The following SLC44A5 variants were observed in gnomAD, a reference collection of about 807,000 sequenced individuals.
The protein encoded by SLC44A5 is solute carrier family 44 member 5, also known as choline transporter-like protein 5.
Under a neutral mutation model 101.8 loss-of-function variants are expected in SLC44A5, and 57 were observed. That is an observed-to-expected ratio of 0.56 (90% confidence interval 0.45 to 0.70). The LOEUF is 0.70. SLC44A5 is among the 30% of genes least tolerant of loss of function. The pLI, the probability that SLC44A5 is intolerant of heterozygous loss-of-function variation, is 0.00. For synonymous variants in SLC44A5, 281 were observed against 290.9 expected, an observed-to-expected ratio of 0.97 and a Z score of 0.35; for missense variants, 737 against 853.1, an observed-to-expected ratio of 0.86 and a Z score of 1.70.
intron 2 of SLC44A5, among the ~76,000 whole-genome samples, chr1:75,514,807 T>C (rs1669741033): frequency 6.6e-6 from 1 of 152,220 alleles, no homozygotes; most frequent in South Asian, 2.1e-4. Context: ...GGGGTACCTG[T>C]TAAGACTGAA....
intron 4 of SLC44A5, among the ~76,000 whole-genome samples, chr1:75,334,198 C>A (rs906058213): frequency 2.0e-5 from 3 of 152,152 alleles, no homozygotes; most frequent in Non-Finnish European, 4.4e-5. Flanking sequence ...AATCTCAGGT[C>A]TATGAGAAGC....
chr1:75,393,133 C>G (rs1306989196), intron 3 of SLC44A5, among the ~76,000 whole-genome samples: 3 of 152,250 alleles, frequency 2.0e-5, no homozygotes, highest in Non-Finnish European at 4.4e-5. Context: ...TTGTAACAAG[C>G]CTGCACATGT....
At chr1:75,671,294 A>T in the SLC44A5 span, among the ~76,000 whole-genome samples, 1 of 152,218 alleles carries the variant, frequency 6.6e-6, no homozygotes, top group Non-Finnish European at 1.5e-5. Flanking sequence ...AACAGTATTC[A>T]CAGGAGAGTA....
chr1:75,388,208 T>TAATA (rs71071944), intron 3 of SLC44A5, among the ~76,000 whole-genome samples: 29,940 of 128,766 alleles, frequency 0.23, 4,575 homozygotes, highest in East Asian at 0.79. Flanking sequence ...ACTTAAAGTG[T>TAATA]AATAAATAAA....
At chr1:75,566,705 G>A (rs1672801732) in intron 1 of SLC44A5, among the ~76,000 whole-genome samples, 2 of 152,168 alleles carry the variant, frequency 1.3e-5, no homozygotes, top group South Asian at 4.1e-4. Context: ...AACTGACAAT[G>A]CATTTATCTG....
chr1:75,395,585 T>G (rs1237028244), intron 3 of SLC44A5, among the ~76,000 whole-genome samples: 1 of 152,144 alleles, frequency 6.6e-6, no homozygotes, highest in Non-Finnish European at 1.5e-5. Context: ...TTAAAGTACA[T>G]GAGAGTCAAT....
At chr1:75,231,834 T>C (rs1647599280) in intron 12 of SLC44A5, among the ~76,000 whole-genome samples, 1 of 152,202 alleles carries the variant, frequency 6.6e-6, no homozygotes, top group Non-Finnish European at 1.5e-5. Context: ...TGTCTTCTCC[T>C]GTATACCTCT....
intron 1 of SLC44A5, among the ~76,000 whole-genome samples, chr1:75,546,712 C>T (rs1671671115): frequency 5.3e-5 from 8 of 152,118 alleles, no homozygotes; most frequent in Admixed American, 4.6e-4. Flanking sequence ...CGAAGACTAG[C>T]TCTGTCTTGT....
chr1:75,291,557 G>A (rs1412597773), intron 5 of SLC44A5, among the ~76,000 whole-genome samples: 1 of 152,126 alleles, frequency 6.6e-6, no homozygotes, highest in African/African-American at 2.4e-5. Flanking sequence ...CGGAGGTCAG[G>A]GATGATGTTT....
At chr1:75,401,812 G>C (rs1438845481) in intron 2 of SLC44A5, among the ~76,000 whole-genome samples, 1 of 152,138 alleles carries the variant, frequency 6.6e-6, no homozygotes, top group Non-Finnish European at 1.5e-5. Flanking sequence ...AAAATTTGCT[G>C]CTGAGTCCAA....
At chr1:75,553,883 CAGG>C (rs57453178) in intron 1 of SLC44A5, among the ~76,000 whole-genome samples, 20,312 of 149,390 alleles carry the variant, frequency 0.14, 1,735 homozygotes, top group Admixed American at 0.22. Flanking sequence ...CCTTGTGGAG[CAGG>C]AGGAGGAGGA....
Position 75,217,904 on chromosome 1 carries a change from A to G in SLC44A5, c.1586T>C (p.Phe529Ser), listed in dbSNP as rs776252637. The G allele has an allele frequency of 3.1e-6, 5 of 1,605,172 alleles. No homozygotes were observed. Among genetic ancestry groups the G allele is most frequent in the Non-Finnish European group, 4.3e-6 (5 of 1,172,144 alleles). Residue 529 changes from phenylalanine to serine, a missense_variant, in exon 18 of 24, where the codon TTT becomes TCT. Phe to Ser is a radical substitution (Grantham distance 155). This residue lies in a region of SLC44A5 where 665 missense variants were observed against 764.4 expected (regional missense o/e 0.87). Coordinates refer to ENST00000370859, the MANE Select transcript of SLC44A5 (RefSeq NM_001130058.2). ...GSLIIALIQM[F>S]KIVLEYLDHR... ...GTCCAAGTATTCTAGTACAATTTTA[A>G]ACATTTGAATTAATGCAATAATTAA...
chr1:75,304,296 GT>G (rs1264508141), intron 4 of SLC44A5, among the ~76,000 whole-genome samples: 5 of 6,970 alleles, frequency 7.2e-4, no homozygotes, highest in African/African-American at 2.4e-3. Flanking sequence ...TTAAATAGGT[GT>G]GTGTGTGTGT....
intron 11 of SLC44A5, 146 bp from the exon 12 acceptor site, chr1:75,234,244 A>T: frequency 7.7e-6 from 5 of 651,638 alleles, no homozygotes; most frequent in African/African-American, 1.8e-5. Flanking sequence ...AATGTTAAAA[A>T]GTGTAAACAA....
intron 3 of SLC44A5, among the ~76,000 whole-genome samples, chr1:75,387,237 G>A (rs1350713221): frequency 6.6e-6 from 1 of 152,084 alleles, no homozygotes; most frequent in African/African-American, 2.4e-5. Flanking sequence ...AAGTGCTTCT[G>A]CGCAGCAAAA....
chr1:75,598,325 A>G (rs760823005), intron 1 of SLC44A5, among the ~76,000 whole-genome samples: 1 of 152,166 alleles, frequency 6.6e-6, no homozygotes, highest in African/African-American at 2.4e-5. Flanking sequence ...CACCATTGGT[A>G]GGAGTGTAAA....
intron 2 of SLC44A5, chr1:75,522,046 G>A (rs938012009): frequency 6.6e-6 from 1 of 152,358 alleles, no homozygotes; most frequent in African/African-American, 2.4e-5. Context: ...GCCCAGGAAA[G>A]TGGTGATGGT....
In SLC44A5 at chr1:75,481,156, G is replaced by A. The variant is rs546420523; in HGVS notation, c.13+60279C>T. On this transcript the variant is annotated intron_variant, in intron 2 of 23. Transcript: ENST00000370859. ...CTGAGAAAAACAAGCAATGGGGAAA[G>A]GATTCCCTGTTTAATAAATGTTGCT... 9.1e-4 allele frequency among the ~76,000 whole-genome samples: 139 copies of A among 152,306 alleles called. 1 individual carries two copies. The highest frequency in any genetic ancestry group is 3.2e-3 in the African/African-American group (133 of 41,558).
chr1:75,335,272 G>A (rs1570706260), intron 4 of SLC44A5, among the ~76,000 whole-genome samples: 1 of 152,146 alleles, frequency 6.6e-6, no homozygotes, highest in African/African-American at 2.4e-5. Context: ...CTCCAACTCA[G>A]GGATGATGAC....
Sources: gnomAD v4.1 joint callset for allele counts (sites outside exome capture counted in the v4.1 genomes callset) on GRCh38, gnomAD v4.1.1 for gene constraint, gnomAD v4.1.1 regional missense constraint, MANE v1.5 for transcripts, NCBI Gene and HGNC (gene_info 2026-07-23, HGNC 2026-07-21) for gene names.